The following PALS2 variants were observed in gnomAD, a reference collection of about 807,000 sequenced individuals.
PALS2 encodes the protein protein associated with LIN7 2, MAGUK p55 family member, also known as protein PALS2.
PALS2 carries 27 observed loss-of-function variants against 61.6 expected under a neutral mutation model. The observed-to-expected ratio is 0.44, with a 90% CI of 0.32 to 0.60. The LOEUF is 0.60. Ranked by LOEUF, PALS2 falls within the 20% of genes least tolerant of loss-of-function variation. The probability of loss-of-function intolerance (pLI) is 0.05; values close to 1 mark genes in which losing one functional copy is unlikely to be tolerated. For missense variants in PALS2, 554 were observed against 639.4 expected (o/e 0.87, Z 1.44); for synonymous variants, 236 against 218.6 (o/e 1.08, Z -0.70).
chr7:24,638,317 A>ATTTTTTTTTTT (rs1562631729), intron 2 of PALS2, among the ~76,000 whole-genome samples: 2 of 14,254 alleles, frequency 1.4e-4, no homozygotes, highest in Non-Finnish European at 2.2e-4. Context: ...CAATTTCTGT[A>ATTTTTTTTTTT]TTTTCTTTTT....
intron 1 of PALS2, among the ~76,000 whole-genome samples, chr7:24,575,381 A>T (rs571255397): frequency 6.6e-6 from 1 of 152,278 alleles, no homozygotes; most frequent in Non-Finnish European, 1.5e-5. Context: ...TTGGATTTTT[A>T]AAAATGAATC....
Position 24,679,168 on chromosome 7 carries a change from CCAGG to C in PALS2, c.1155_1158del (p.Gln385HisfsTer56). 6.2e-7 allele frequency: 1 copy of C among 1,613,840 alleles called. No homozygotes were observed. ...AACCAAGGGAAGATGAAAAAGATGGCCAGGCATATAAGTTTGTGTCACGATCTGA... is the reference window on the plus strand; with the variant it reads ...AACCAAGGGAAGATGAAAAAGATGGCCATATAAGTTTGTGTCACGATCTGA... On this transcript the variant is annotated frameshift_variant, in exon 10 of 12. Transcript: ENST00000222644. LOFTEE classifies it high-confidence loss of function.
chr7:24,626,109 T>C (rs796587480), intron 2 of PALS2, among the ~76,000 whole-genome samples: 11 of 152,082 alleles, frequency 7.2e-5, no homozygotes, highest in African/African-American at 2.7e-4. Context: ...AATGTACTTT[T>C]AGTAGAAGAA....
intron 11 of PALS2, among the ~76,000 whole-genome samples, chr7:24,684,153 G>T (rs1225994061): frequency 2.0e-5 from 3 of 151,820 alleles, no homozygotes; most frequent in Non-Finnish European, 4.4e-5. Flanking sequence ...AGGCTGGAGT[G>T]CAGTGGTGCA....
chr7:24,586,076 T>G (rs1044958671), intron 1 of PALS2, among the ~76,000 whole-genome samples: 1 of 152,108 alleles, frequency 6.6e-6, no homozygotes, highest in African/African-American at 2.4e-5. Context: ...AATAAAAAGA[T>G]TATATAGTTT....
chr7:24,669,659 T>A (rs1583983866), intron 9 of PALS2, among the ~76,000 whole-genome samples: 1 of 152,236 alleles, frequency 6.6e-6, no homozygotes, highest in East Asian at 1.9e-4. Context: ...AGAGTTTCCC[T>A]GGTTTTGTCC....
At chr7:24,589,817 A>G (rs944112099) in intron 1 of PALS2, among the ~76,000 whole-genome samples, 9 of 152,212 alleles carry the variant, frequency 5.9e-5, no homozygotes, top group African/African-American at 1.2e-4. Context: ...CTTACTTCAT[A>G]GAGTTAATCA....
chr7:24,610,396 G>A (rs1051500695), intron 1 of PALS2, among the ~76,000 whole-genome samples: 6 of 152,032 alleles, frequency 3.9e-5, no homozygotes, highest in African/African-American at 1.5e-4. Flanking sequence ...ATAAATTTGA[G>A]TTTTTGGGGA....
At chr7:24,613,206 T>C (rs150289469) in intron 1 of PALS2, among the ~76,000 whole-genome samples, 2 of 151,918 alleles carry the variant, frequency 1.3e-5, no homozygotes, top group East Asian at 1.9e-4. Context: ...ATAGACTTTA[T>C]TCTTAAATCT....
At chr7:24,580,611 A>G (rs1246191853) in intron 1 of PALS2, among the ~76,000 whole-genome samples, 1 of 152,218 alleles carries the variant, frequency 6.6e-6, no homozygotes, top group East Asian at 1.9e-4. Flanking sequence ...AGCCATCATT[A>G]GGTGGCCTCA....
In PALS2 at chr7:24,692,555, C is replaced by G. The variant is rs1379146462; in HGVS notation, c.*4941C>G. The G allele has an allele frequency of 6.6e-6, 1 of 152,106 alleles. No homozygotes were observed. The highest frequency in any genetic ancestry group is 1.5e-5 in the Non-Finnish European group (1 of 68,004). 9.4% of individuals were successfully genotyped at this position (152,106 alleles called of 1,614,324 possible). On this transcript the variant is annotated 3_prime_UTR_variant, in exon 12 of 12. Transcript: ENST00000222644. Reference sequence around the variant, plus strand: ...GAAGTAATGTAGTGAATGGTGAATACTTTTCAGGAATTCTTCCAGTTTTAA... The same window carrying G: ...GAAGTAATGTAGTGAATGGTGAATAGTTTTCAGGAATTCTTCCAGTTTTAA...
rs1215604348 is a variant in PALS2 at position 24,618,390 on chromosome 7, TG to T, written c.-2-5274del. Among the ~76,000 whole-genome samples, 2 of 152,190 alleles carry T rather than the reference TG, an allele frequency of 1.3e-5. No homozygotes were observed. Among genetic ancestry groups the T allele is most frequent in the Non-Finnish European group, 2.9e-5 (2 of 68,034 alleles). Reference sequence around the variant, plus strand: ...GGGTTGTGGCATTCAGACACCTGTGTGGACTTAGTGGAATGAAAACAACTCC... The same window carrying T: ...GGGTTGTGGCATTCAGACACCTGTGTGACTTAGTGGAATGAAAACAACTCC... On this transcript the variant is annotated intron_variant, in intron 1 of 11. Transcript: ENST00000222644. The surrounding 1 kb of genome is among the most constrained non-coding windows in gnomAD (Gnocchi z 5.1).
In PALS2 at chr7:24,680,500, A is replaced by ATCAC; in HGVS notation, c.1428_1431dup (p.Thr478HisfsTer9). 1 of 1,613,964 alleles carries ATCAC rather than the reference A, an allele frequency of 6.2e-7. No homozygotes were observed. Among genetic ancestry groups the ATCAC allele is most frequent in the Non-Finnish European group, 8.5e-7 (1 of 1,179,870 alleles). On this transcript the variant is annotated frameshift_variant, in exon 11 of 12. Transcript: ENST00000222644. LOFTEE classifies it high-confidence loss of function. Reference sequence around the variant, plus strand: ...GCACAAGGCTGTGGTGGATGCAGGAATCACTACCAAGCTTCTGACCGTGAG... The same window carrying ATCAC: ...GCACAAGGCTGTGGTGGATGCAGGAATCACTCACTACCAAGCTTCTGACCGTGAG...
Position 24,691,656 on chromosome 7 carries a change from T to C in PALS2, c.*4042T>C, listed in dbSNP as rs1788484863. On this transcript the variant is annotated 3_prime_UTR_variant, in exon 12 of 12. Coordinates refer to ENST00000222644, the MANE Select transcript of PALS2 (RefSeq NM_001303037.2). Reference sequence around the variant, plus strand: ...AAAAATATATGAGAAACTCAGAAAGTAGTCATTATTATAATAAATTTAATT... The same window carrying C: ...AAAAATATATGAGAAACTCAGAAAGCAGTCATTATTATAATAAATTTAATT... The C allele has an allele frequency of 6.6e-6, 1 of 151,584 alleles. No individual in the cohort carries two copies. The highest frequency in any genetic ancestry group is 1.5e-5 in the Non-Finnish European group (1 of 67,800). 9.4% of individuals were successfully genotyped at this position (151,584 alleles called of 1,614,324 possible).
chr7:24,594,166 C>G (rs568930024), intron 1 of PALS2, among the ~76,000 whole-genome samples: 1 of 152,176 alleles, frequency 6.6e-6, no homozygotes, highest in South Asian at 2.1e-4. Context: ...ACAACCTGTG[C>G]AAGTTTCAGA....
In PALS2 at chr7:24,618,521, G is replaced by A. The variant is rs562353398; in HGVS notation, c.-2-5145G>A. ...TCACAAGGGAGTAAGTGCAGATCTT[G>A]TGCTCCCAGTCTGGGGGAATACAGC... On this transcript the variant is annotated intron_variant, in intron 1 of 11. Transcript: ENST00000222644. This position sits in a 1 kb window ranked among gnomAD's most constrained non-coding sequence, Gnocchi z 5.1. Among the ~76,000 whole-genome samples the A allele has an allele frequency of 1.1e-3, 173 of 152,352 alleles. No individual in the cohort carries two copies. Among genetic ancestry groups the A allele is most frequent in the Admixed American group, 1.8e-3 (28 of 15,304 alleles).
chr7:24,694,030 T>G lies in PALS2; in HGVS notation c.*6416T>G, dbSNP rs149966543. ...AAAAAAATGGAGGGCAGAATGCTTG[T>G]TAGCAATCTGAAAATCAAAGCTGAA... On this transcript the variant is annotated 3_prime_UTR_variant, in exon 12 of 12. Coordinates refer to ENST00000222644, the MANE Select transcript of PALS2 (RefSeq NM_001303037.2). The G allele has an allele frequency of 6.6e-6, 1 of 152,174 alleles. No homozygotes were observed. Among genetic ancestry groups the G allele is most frequent in the Non-Finnish European group, 1.5e-5 (1 of 68,020 alleles). The allele number at this position is 152,174 out of a possible 1,614,324, so 9.4% of individuals were successfully genotyped here. A position where few individuals can be genotyped will look rare whatever the true frequency, so the allele number is the denominator to read the frequency against.
intron 2 of PALS2, among the ~76,000 whole-genome samples, chr7:24,626,908 C>A (rs1784771438): frequency 6.6e-6 from 1 of 152,172 alleles, no homozygotes; most frequent in African/African-American, 2.4e-5. Context: ...TAGACTCCCA[C>A]ACCATAATAG....
chr7:24,681,080 G>A (rs747699753), intron 11 of PALS2, among the ~76,000 whole-genome samples: 33 of 152,028 alleles, frequency 2.2e-4, no homozygotes, highest in Non-Finnish European at 4.0e-4. Flanking sequence ...TAAAATATGC[G>A]TATTAATTGA....
Sources: allele counts gnomAD v4.1 joint callset (sites outside exome capture counted in the v4.1 genomes callset), GRCh38; gene constraint gnomAD v4.1.1; non-coding constraint Gnocchi (gnomAD v3.1); transcripts MANE v1.5; gene names NCBI Gene and HGNC (gene_info 2026-07-23, HGNC 2026-07-21).